The following CPNE9 variants were observed in gnomAD, a reference collection of about 807,000 sequenced individuals.
CPNE9 encodes the protein copine family member 9.
CPNE9 carries 59 observed loss-of-function variants against 83.0 expected under a neutral mutation model. That is an observed-to-expected ratio of 0.71 (90% CI 0.58 to 0.88). CPNE9 has a LOEUF of 0.88. Among genes scored for constraint, CPNE9 ranks in the 40% least tolerant of loss-of-function variants. CPNE9 has a pLI of 0.00. For missense variants in CPNE9, 619 were observed against 720.8 expected, an observed-to-expected ratio of 0.86 and a Z score of 1.62; for synonymous variants, 256 against 273.4, an observed-to-expected ratio of 0.94 and a Z score of 0.63.
rs2076644577 is a variant in CPNE9 at position 9,712,970 on chromosome 3, T to C, written c.546-5T>C. The C allele has an allele frequency of 6.2e-7, 1 of 1,612,902 alleles. No homozygotes were observed. Among genetic ancestry groups the C allele is most frequent in the South Asian group, 1.1e-5 (1 of 91,060 alleles). ...ATTATACCAATTCTTCCCACTCCCC[T>C]CCAGGTTCACCATCTGCCACAAGAC... On this transcript the variant is annotated splice_region_variant and splice_polypyrimidine_tract_variant and intron_variant, in intron 9 of 20. Coordinates refer to ENST00000383832, the MANE Select transcript of CPNE9 (RefSeq NM_153635.3).
intron 17 of CPNE9, among the ~76,000 whole-genome samples, chr3:9,719,974 G>C (rs994398210): frequency 2.0e-5 from 3 of 151,640 alleles, no homozygotes; most frequent in Non-Finnish European, 2.9e-5. Flanking sequence ...CTGGGCGACA[G>C]AGCAAGACTC....
At chr3:9,714,531 AAAT>A (rs926865877) in intron 10 of CPNE9, among the ~76,000 whole-genome samples, 2 of 151,806 alleles carry the variant, frequency 1.3e-5, no homozygotes. Flanking sequence ...CCTTATCCCA[AAAT>A]AATAATAATA....
chr3:9,713,951 T>C (rs924722781), intron 10 of CPNE9, among the ~76,000 whole-genome samples: 6 of 151,882 alleles, frequency 4.0e-5, no homozygotes, highest in Non-Finnish European at 5.9e-5. Flanking sequence ...TGGGCGCCTG[T>C]AGTTCCAGCT....
chr3:9,714,907 A>G lies in CPNE9; in HGVS notation c.651-7A>G, dbSNP rs745815633. On this transcript the variant is annotated splice_region_variant and splice_polypyrimidine_tract_variant and intron_variant, in intron 10 of 20. Coordinates refer to ENST00000383832, the MANE Select transcript of CPNE9 (RefSeq NM_153635.3). ...CACCTAGGGTATGTTTATCTCCTAC[A>G]TTTCAGAACGGTGAAGATTGATGTG... The G allele has an allele frequency of 1.2e-6, 2 of 1,613,352 alleles. No individual in the cohort carries two copies. Among genetic ancestry groups the G allele is most frequent in the Non-Finnish European group, 1.7e-6 (2 of 1,179,418 alleles).
intron 14 of CPNE9, among the ~76,000 whole-genome samples, chr3:9,716,776 G>A (rs1032148510): frequency 6.6e-6 from 1 of 152,084 alleles, no homozygotes; most frequent in African/African-American, 2.4e-5. Flanking sequence ...AGCCAAATGG[G>A]GATATTAATC....
intron 7 of CPNE9, among the ~76,000 whole-genome samples, 200 bp downstream of exon 7, chr3:9,706,263 TC>T (rs1169457601): frequency 6.7e-6 from 1 of 149,994 alleles, no homozygotes; most frequent in East Asian, 1.9e-4. Context: ...TCTTTTCTTT[TC>T]TTTTTTTTTT....
Position 9,725,985 on chromosome 3 carries a change from T to C in CPNE9, c.1278T>C (p.Tyr426=). Residue 426 remains tyrosine (Y), a synonymous_variant, in exon 18 of 21, where the codon TAT becomes TAC. Transcript: ENST00000383832. The part of the protein sequence containing the change: ...AAKISDGSQY[Y]VLLIITDGVI... ...AGATCTCTGATGGCTCCCAGTACTA[T>C]GTTCTGCTCATCATCACTGATGGGG... The C allele has an allele frequency of 6.2e-7, 1 of 1,613,492 alleles. No homozygotes were observed. Among genetic ancestry groups the C allele is most frequent in the Non-Finnish European group, 8.5e-7 (1 of 1,179,620 alleles).
intron 20 of CPNE9, 78 bp downstream of exon 20, chr3:9,727,264 C>T: frequency 1.4e-6 from 2 of 1,444,250 alleles, no homozygotes; most frequent in East Asian, 4.5e-5. Flanking sequence ...CTTTCACTTA[C>T]TGCCTTCTCA....
chr3:9,718,665 A>G (rs1407341198), intron 17 of CPNE9, 63 bp downstream of exon 17: 12 of 1,567,572 alleles, frequency 7.7e-6, no homozygotes, highest in Admixed American at 1.8e-5. Context: ...TGACCCCCCA[A>G]GGATAGTCAG....
chr3:9,716,474 AT>A (rs111336803), intron 14 of CPNE9, among the ~76,000 whole-genome samples: 30,750 of 147,420 alleles, frequency 0.21, 3,961 homozygotes, highest in African/African-American at 0.36. Flanking sequence ...TAAAATGAGG[AT>A]TTTTTTTTTT....
intron 7 of CPNE9, among the ~76,000 whole-genome samples, chr3:9,710,114 A>T (rs191870745): frequency 1.3e-5 from 2 of 152,218 alleles, no homozygotes; most frequent in Non-Finnish European, 2.9e-5. Context: ...CCAGTTCAGG[A>T]TCAGCCTGGG....
intron 17 of CPNE9, among the ~76,000 whole-genome samples, chr3:9,723,581 T>C (rs812543): frequency 1.3e-5 from 2 of 152,186 alleles, no homozygotes; most frequent in African/African-American, 4.8e-5. Flanking sequence ...TTTATTTCAG[T>C]TGGGGTCTTA....
intron 6 of CPNE9, 117 bp from the exon 7 acceptor site, chr3:9,705,870 C>G (rs878982625): frequency 7.3e-7 from 1 of 1,364,506 alleles, no homozygotes; most frequent in South Asian, 1.2e-5. Flanking sequence ...GGCCGTGGCT[C>G]TTGCACCACT....
intron 20 of CPNE9, 81 bp from the exon 21 acceptor site, chr3:9,729,426 C>CA (rs1247777741): frequency 5.4e-6 from 8 of 1,490,920 alleles, no homozygotes; most frequent in East Asian, 4.6e-5. Context: ...TGCTGGGGAT[C>CA]AAAAAAGAAG....
intron 17 of CPNE9, among the ~76,000 whole-genome samples, chr3:9,722,160 A>AC (rs60666913): frequency 0.084 from 11,072 of 131,816 alleles, 654 homozygotes; most frequent in African/African-American, 0.12. Flanking sequence ...CAGGTGATCC[A>AC]CCCCCCCCCG....
intron 7 of CPNE9, among the ~76,000 whole-genome samples, chr3:9,709,402 C>T (rs1341093362): frequency 2.1e-4 from 30 of 142,602 alleles, no homozygotes; most frequent in Non-Finnish European, 3.5e-4. Context: ...CTCACTCTGT[C>T]GCCCAGGCTG....
Position 9,718,047 on chromosome 3 carries a change from C to A in CPNE9, c.950C>A (p.Thr317Asn). The A allele has an allele frequency of 1.2e-6, 2 of 1,610,992 alleles. No homozygotes were observed. The highest frequency in any genetic ancestry group is 1.7e-6 in the Non-Finnish European group (2 of 1,178,438). ...CCTACAGGGAATCCTCTGCAGCCTACCTCCCTGCACTACATGAGTCCCTAC... is the reference window on the plus strand; with the variant it reads ...CCTACAGGGAATCCTCTGCAGCCTAACTCCCTGCACTACATGAGTCCCTAC... ...TASNGNPLQP[T>N]SLHYMSPYQL... The change falls in exon 16 of 21, where the codon ACC becomes AAC. Residue 317 changes from threonine (T) to asparagine (N), a missense_variant. By Grantham distance (65) the Thr-to-Asn change is moderately conservative. Transcript: ENST00000383832.
chr3:9,712,551 G>A lies in CPNE9; in HGVS notation c.388G>A (p.Gly130Ser). ...TTTTTCTGCTTCCAGGGGTGTACCA[G>A]GCAAGAAGTGTGGGACCATATTGCT... ...RVERTLTGVP[G>S]KKCGTILLTA... is the part of the protein sequence containing the mutation. The change falls in exon 8 of 21, where the codon GGC (glycine) becomes AGC (serine). Residue 130 changes from glycine to serine, a missense_variant. Gly to Ser is a moderately conservative substitution (Grantham distance 56, BLOSUM62 0). This residue lies in a region of CPNE9 where 438 missense variants were observed against 562.9 expected (regional missense o/e 0.78). Coordinates refer to ENST00000383832, the MANE Select transcript of CPNE9 (RefSeq NM_153635.3). 2 of 1,614,092 alleles carry A rather than the reference G, an allele frequency of 1.2e-6. No individual in the cohort carries two copies. The highest frequency in any genetic ancestry group is 2.2e-5 in the East Asian group (1 of 44,884).
rs753755806 is a variant in CPNE9, at chr3:9,715,982, G to T, written c.831G>T (p.Leu277=). Residue 277 remains leucine, a synonymous_variant, in exon 14 of 21, where the codon CTG becomes CTT. Transcript: ENST00000383832. ...KKYVNSGTVT[L]LSFSVDSEFT... is the part of the protein sequence containing the mutation. ...CCTATTCTGTCCCACAGGTGACGCT[G>T]CTCTCCTTCTCTGTGGACTCTGAAT... 1 of 1,611,764 alleles carries T rather than the reference G, an allele frequency of 6.2e-7. No homozygotes were observed. The highest frequency in any genetic ancestry group is 1.1e-5 in the South Asian group (1 of 90,284).
Sources: gnomAD v4.1 joint callset for allele counts (sites outside exome capture counted in the v4.1 genomes callset) on GRCh38, gnomAD v4.1.1 for gene constraint, gnomAD v4.1.1 regional missense constraint, MANE v1.5 for transcripts, NCBI Gene and HGNC (gene_info 2026-07-23, HGNC 2026-07-21) for gene names.